FAXC: variants seen among roughly 807,000 people sequenced by gnomAD.
FAXC encodes failed axon connections homolog, metaxin like GST domain containing.
In FAXC, 10 loss-of-function variants were observed where a neutral mutation model predicts 41.9. The ratio of observed to expected loss-of-function variants is 0.24; its 90% CI spans 0.15 to 0.41. The LOEUF (loss-of-function observed/expected upper bound fraction) is 0.41, where lower values mean the gene tolerates loss of function less well. Among genes scored for constraint, FAXC ranks in the 10% least tolerant of loss-of-function variants. The pLI is 1.00. For missense variants in FAXC, 399 were observed against 510.9 expected, an observed-to-expected ratio of 0.78 and a Z score of 2.11; for synonymous variants, 183 against 183.8, an observed-to-expected ratio of 1.00 and a Z score of 0.03.
intron 1 of FAXC, among the ~76,000 whole-genome samples, chr6:99,347,024 G>A (rs1436404355): frequency 6.6e-6 from 1 of 152,120 alleles, no homozygotes; most frequent in Non-Finnish European, 1.5e-5. Context: ...CACTTTGGGA[G>A]GCCAAGGAGG....
At chr6:99,342,400 A>C (rs1480571118) in intron 2 of FAXC, among the ~76,000 whole-genome samples, 1 of 150,844 alleles carries the variant, frequency 6.6e-6, no homozygotes, top group Non-Finnish European at 1.5e-5. Context: ...ACTGGAGTAC[A>C]GTGGTGCAAT....
intron 4 of FAXC, among the ~76,000 whole-genome samples, chr6:99,301,510 T>C (rs991393153): frequency 2.0e-5 from 3 of 152,166 alleles, no homozygotes; most frequent in African/African-American, 7.2e-5. Context: ...GAAAACAAAG[T>C]GAATAAAAAC....
At chr6:99,321,741 G>A (rs1772596344) in intron 4 of FAXC, among the ~76,000 whole-genome samples, 1 of 152,206 alleles carries the variant, frequency 6.6e-6, no homozygotes, top group Admixed American at 6.5e-5. Context: ...CGCTAAACGC[G>A]AGAGAAACAA....
At chr6:99,295,045 A>G (rs529276282) in intron 4 of FAXC, among the ~76,000 whole-genome samples, 170 of 152,326 alleles carry the variant, frequency 1.1e-3, no homozygotes, top group African/African-American at 4.0e-3. Flanking sequence ...CATATGGAAG[A>G]GCAGGAGGGC....
At chr6:99,338,810 T>G (rs1001419832) in intron 2 of FAXC, among the ~76,000 whole-genome samples, 36 of 152,300 alleles carry the variant, frequency 2.4e-4, no homozygotes, top group African/African-American at 8.7e-4. Flanking sequence ...CATTGCTGTC[T>G]TAGCAAGTCC....
intron 4 of FAXC, among the ~76,000 whole-genome samples, chr6:99,293,664 C>CTGTG (rs1771333953): frequency 2.0e-5 from 2 of 101,056 alleles, no homozygotes; most frequent in Non-Finnish European, 4.4e-5. Flanking sequence ...GCTCTATACA[C>CTGTG]AGTGTGTGTG....
intron 4 of FAXC, among the ~76,000 whole-genome samples, chr6:99,309,035 C>T (rs1455930715): frequency 6.6e-6 from 1 of 152,080 alleles, no homozygotes; most frequent in Non-Finnish European, 1.5e-5. Flanking sequence ...CAAATCAGCC[C>T]AGCAGAACAC....
rs1388992570 is a variant in FAXC at position 99,273,461 on chromosome 6, C to T, written c.*7703G>A. The stretch of plus-strand genomic sequence containing the variant: ...CATTTGCATTATCTGGGTATCACCT[C>T]ACCCCTACTTTCTTTTCTTGTTTTG... On this transcript the variant is annotated 3_prime_UTR_variant, in exon 6 of 6. Coordinates refer to ENST00000389677, the MANE Select transcript of FAXC (RefSeq NM_032511.4). The T allele has an allele frequency of 6.6e-6, 1 of 150,662 alleles. No individual in the cohort carries two copies. The highest frequency in any genetic ancestry group is 6.7e-5 in the Admixed American group (1 of 14,988). The allele number at this position is 150,662 out of a possible 1,614,324, so 9.3% of individuals were successfully genotyped here. A position where few individuals can be genotyped will look rare whatever the true frequency, so the allele number is the denominator to read the frequency against.
intron 4 of FAXC, among the ~76,000 whole-genome samples, chr6:99,294,619 A>T (rs12195216): frequency 6.6e-6 from 1 of 152,032 alleles, no homozygotes. Flanking sequence ...TTCATGGTCA[A>T]AAAAAGAGGG....
chr6:99,306,092 C>T (rs1771909349), intron 4 of FAXC, among the ~76,000 whole-genome samples: 1 of 151,928 alleles, frequency 6.6e-6, no homozygotes, highest in South Asian at 2.1e-4. Flanking sequence ...TCTGTGGAAG[C>T]GCTATTTAGA....
chr6:99,290,146 C>G (rs1771181834), intron 5 of FAXC, among the ~76,000 whole-genome samples: 2 of 149,914 alleles, frequency 1.3e-5, no homozygotes, highest in Admixed American at 1.3e-4. Context: ...CATACACACA[C>G]CCCAAGATCT....
intron 4 of FAXC, 135 bp from the exon 5 acceptor site, chr6:99,291,955 C>T: frequency 1.4e-6 from 1 of 695,900 alleles, no homozygotes; most frequent in Non-Finnish European, 2.6e-6. Context: ...TACATGCACA[C>T]CCTTTTGCTT....
chr6:99,332,580 G>A (rs899234656), intron 3 of FAXC, among the ~76,000 whole-genome samples: 1 of 152,078 alleles, frequency 6.6e-6, no homozygotes, highest in South Asian at 2.1e-4. Flanking sequence ...CCAGCTCAAG[G>A]CTACAAAAAA....
intron 4 of FAXC, among the ~76,000 whole-genome samples, chr6:99,300,690 A>T (rs1771670906): frequency 6.6e-6 from 1 of 152,226 alleles, no homozygotes; most frequent in African/African-American, 2.4e-5. Context: ...ACTGCATTCC[A>T]GGACAGGCTT....
At chr6:99,293,718 G>GTGTGTC (rs1771350218) in intron 4 of FAXC, among the ~76,000 whole-genome samples, 4 of 146,408 alleles carry the variant, frequency 2.7e-5, no homozygotes, top group African/African-American at 5.0e-5. Flanking sequence ...GTGTGTCTGT[G>GTGTGTC]TGTGTGTGTG....
At chr6:99,298,116 C>T (rs181602146) in intron 4 of FAXC, among the ~76,000 whole-genome samples, 1 of 152,144 alleles carries the variant, frequency 6.6e-6, no homozygotes, top group Non-Finnish European at 1.5e-5. Flanking sequence ...TTGGACCAGA[C>T]TGTGAATAGC....
chr6:99,301,353 G>A (rs552468632), intron 4 of FAXC, among the ~76,000 whole-genome samples: 2 of 152,278 alleles, frequency 1.3e-5, no homozygotes, highest in African/African-American at 2.4e-5. Flanking sequence ...CTCCTCTACC[G>A]AATGTGCTTG....
chr6:99,296,550 C>T (rs533362629), intron 4 of FAXC, among the ~76,000 whole-genome samples: 4 of 152,290 alleles, frequency 2.6e-5, no homozygotes, highest in Non-Finnish European at 4.4e-5. Context: ...TAGGGTACAT[C>T]AGACCTTCTA....
At chr6:99,339,339 C>T (rs529206153) in intron 2 of FAXC, among the ~76,000 whole-genome samples, 14 of 152,308 alleles carry the variant, frequency 9.2e-5, no homozygotes, top group African/African-American at 3.1e-4. Context: ...TTTGGGGATG[C>T]CTGAGGCTCA....
Sources: gnomAD v4.1 joint callset for allele counts (sites outside exome capture counted in the v4.1 genomes callset) on GRCh38, gnomAD v4.1.1 for gene constraint, MANE v1.5 for transcripts, NCBI Gene and HGNC (gene_info 2026-07-23, HGNC 2026-07-21) for gene names.